Variants in STX8 observed in about 807,000 individuals in gnomAD.
The protein encoded by STX8 is syntaxin-8.
STX8 carries 23 observed loss-of-function variants against 37.5 expected under a neutral mutation model. That is an observed-to-expected ratio of 0.61 (90% CI 0.44 to 0.87). STX8 has a LOEUF of 0.87. Among genes scored for constraint, STX8 ranks in the 40% least tolerant of loss-of-function variants. The pLI is 0.00. For synonymous variants in STX8, 115 were observed against 99.1 expected (o/e 1.16, Z -0.95); for missense variants, 313 against 284.7 (o/e 1.10, Z -0.71).
chr17:9,399,106 G>C (rs2142315303), intron 6 of STX8, among the ~76,000 whole-genome samples: 1 of 151,196 alleles, frequency 6.6e-6, no homozygotes, highest in South Asian at 2.1e-4. Flanking sequence ...CATACGGACA[G>C]AGAAAATGAT....
intron 3 of STX8, among the ~76,000 whole-genome samples, chr17:9,549,493 T>C (rs187555216): frequency 6.4e-4 from 98 of 152,308 alleles, no homozygotes; most frequent in Non-Finnish European, 1.2e-3. Flanking sequence ...AGGTGACAGC[T>C]CTTTCAACCC....
chr17:9,539,589 C>G (rs1906195165), intron 4 of STX8, among the ~76,000 whole-genome samples: 1 of 152,170 alleles, frequency 6.6e-6, no homozygotes, highest in African/African-American at 2.4e-5. Context: ...TTCTGGCCAC[C>G]ATGCTTCTGG....
chr17:9,423,529 T>G (rs1376656221), intron 6 of STX8, among the ~76,000 whole-genome samples: 1 of 152,170 alleles, frequency 6.6e-6, no homozygotes, highest in African/African-American at 2.4e-5. Flanking sequence ...TTTCACCATG[T>G]TGTTAAGGCT....
intron 6 of STX8, among the ~76,000 whole-genome samples, chr17:9,416,534 A>G (rs1056661539): frequency 6.6e-6 from 1 of 150,564 alleles, no homozygotes; most frequent in Non-Finnish European, 1.5e-5. Context: ...ACGCCCGGCT[A>G]ATTTTTGTAT....
intron 6 of STX8, among the ~76,000 whole-genome samples, chr17:9,487,890 T>C (rs1906674717): frequency 1.3e-5 from 2 of 152,168 alleles, no homozygotes; most frequent in African/African-American, 4.8e-5. Context: ...CAATACAAAG[T>C]ACAGCGCTAA....
At chr17:9,293,926 TA>T (rs1266079854) in intron 7 of STX8, among the ~76,000 whole-genome samples, 1 of 134,936 alleles carries the variant, frequency 7.4e-6, no homozygotes, top group East Asian at 2.5e-4. Context: ...CACGCCTGGC[TA>T]ATTTTTTTTT....
intron 7 of STX8, among the ~76,000 whole-genome samples, chr17:9,312,726 C>T (rs1288954566): frequency 6.6e-6 from 1 of 152,124 alleles, no homozygotes; most frequent in Non-Finnish European, 1.5e-5. Flanking sequence ...AGTGGAATGA[C>T]AGGTGGTTAC....
Position 9,283,494 on chromosome 17 carries a change from C to T in STX8, c.644-32849G>A, listed in dbSNP as rs545667788. 3.9e-5 allele frequency among the ~76,000 whole-genome samples: 6 copies of T among 152,234 alleles called. No homozygotes were observed. In the East Asian group the frequency reaches 1.2e-3, roughly 29 times the overall value. Reference sequence around the variant, plus strand: ...GGCAGAGGTTGCAGTGAGCCAAGACCATGCCATTGCACTCCAGCCTGGGTG... The same window carrying T: ...GGCAGAGGTTGCAGTGAGCCAAGACTATGCCATTGCACTCCAGCCTGGGTG... On this transcript the variant is annotated intron_variant, in intron 7 of 7. Transcript: ENST00000306357.
chr17:9,315,747 C>T lies in STX8; in HGVS notation c.643+62805G>A, dbSNP rs534227881. 8.3e-4 allele frequency among the ~76,000 whole-genome samples: 127 copies of T among 152,268 alleles called. 1 individual carries two copies. The South Asian group carries it at 0.025, about 30-fold the overall frequency. On this transcript the variant is annotated intron_variant, in intron 7 of 7. Coordinates refer to ENST00000306357, the MANE Select transcript of STX8 (RefSeq NM_004853.3). ...AATAAAGCTGGTGGGCATGGTGGCT[C>T]ACGCCTGTAATCCTAGCACTTCAGG...
At chr17:9,459,604 CT>C (rs1905291523) in intron 6 of STX8, among the ~76,000 whole-genome samples, 1 of 152,200 alleles carries the variant, frequency 6.6e-6, no homozygotes, top group African/African-American at 2.4e-5. Flanking sequence ...CAAGCTCTGT[CT>C]CCCAGGTTCA....
Position 9,358,162 on chromosome 17 carries a change from A to T in STX8, c.643+20390T>A, listed in dbSNP as rs1259650102. Among the ~76,000 whole-genome samples the T allele has an allele frequency of 4.6e-5, 7 of 152,290 alleles. No homozygotes were observed. The East Asian group carries it at 7.7e-4, about 17-fold the overall frequency. ...GAAACCAGGAGTTCAAGACAAGCCT[A>T]GGTAAGAAAGCGAGACTTCATCTCT... is the stretch of plus-strand genomic sequence containing the variant. On this transcript the variant is annotated intron_variant, in intron 7 of 7. Coordinates refer to ENST00000306357, the MANE Select transcript of STX8 (RefSeq NM_004853.3).
chr17:9,310,479 G>C (rs2142190248), intron 7 of STX8, among the ~76,000 whole-genome samples: 1 of 152,292 alleles, frequency 6.6e-6, no homozygotes, highest in African/African-American at 2.4e-5. Context: ...TCTGCTTAAA[G>C]TGAAGATCTG....
At chr17:9,393,845 G>A (rs535542801) in intron 6 of STX8, among the ~76,000 whole-genome samples, 5 of 152,102 alleles carry the variant, frequency 3.3e-5, no homozygotes, top group African/African-American at 7.2e-5. Context: ...GAGTATGGTC[G>A]GTTTACAAAA....
At chr17:9,368,512 A>G (rs571577701) in intron 7 of STX8, among the ~76,000 whole-genome samples, 1 of 152,080 alleles carries the variant, frequency 6.6e-6, no homozygotes, top group Non-Finnish European at 1.5e-5. Flanking sequence ...CAAACAAACA[A>G]AAGAAAACAT....
At chr17:9,559,383 A>G (rs1173276534) in intron 2 of STX8, among the ~76,000 whole-genome samples, 1 of 152,160 alleles carries the variant, frequency 6.6e-6, no homozygotes, top group Non-Finnish European at 1.5e-5. Flanking sequence ...ACCATATACT[A>G]TCAACAAGTA....
chr17:9,488,621 G>A (rs549602105), intron 6 of STX8, among the ~76,000 whole-genome samples: 45 of 152,230 alleles, frequency 3.0e-4, no homozygotes, highest in African/African-American at 9.9e-4. Flanking sequence ...CTTTGAAGAC[G>A]GAGGAAGGGG....
At chr17:9,525,317 C>A (rs923942458) in intron 4 of STX8, among the ~76,000 whole-genome samples, 2 of 151,914 alleles carry the variant, frequency 1.3e-5, no homozygotes, top group Admixed American at 1.3e-4. Context: ...AGCCTCCCCC[C>A]ACTGCCCACA....
At chr17:9,575,743 G>A in intron 1 of STX8, 49 bp downstream of exon 1, 1 of 1,543,554 alleles carries the variant, frequency 6.5e-7, no homozygotes, top group South Asian at 1.2e-5. Context: ...CGGAAGCCCG[G>A]CCTCCCCGAA....
chr17:9,498,048 C>T (rs1435359523), intron 5 of STX8, among the ~76,000 whole-genome samples: 1 of 152,006 alleles, frequency 6.6e-6, no homozygotes, highest in Non-Finnish European at 1.5e-5. Flanking sequence ...ATTTAACATA[C>T]AGAAGGAGCT....
Sources: gnomAD v4.1 joint callset for allele counts (sites outside exome capture counted in the v4.1 genomes callset) on GRCh38, gnomAD v4.1.1 for gene constraint, MANE v1.5 for transcripts, NCBI Gene and HGNC (gene_info 2026-07-23, HGNC 2026-07-21) for gene names.